DEPDC1B: variants seen among roughly 807,000 people sequenced by gnomAD.
The protein encoded by DEPDC1B is DEP domain-containing protein 1B.
Under a neutral mutation model 66.5 loss-of-function variants are expected in DEPDC1B, and 51 were observed. That is an observed-to-expected ratio of 0.77 (90% CI 0.61 to 0.97). The LOEUF is 0.97. Among genes scored for constraint, DEPDC1B ranks in the 50% least tolerant of loss-of-function variants. The pLI is 0.00. For missense variants in DEPDC1B, 552 were observed against 637.1 expected, an observed-to-expected ratio of 0.87 and a Z score of 1.44; for synonymous variants, 226 against 223.6, an observed-to-expected ratio of 1.01 and a Z score of -0.10.
At chr5:60,679,171 T>G (rs181772388) in intron 2 of DEPDC1B, among the ~76,000 whole-genome samples, 2 of 152,316 alleles carry the variant, frequency 1.3e-5, no homozygotes, top group Non-Finnish European at 1.5e-5. Flanking sequence ...TCCCATTAAA[T>G]AGAATTTACA....
intron 10 of DEPDC1B, among the ~76,000 whole-genome samples, chr5:60,598,636 G>T (rs1216683696): frequency 6.6e-5 from 10 of 152,152 alleles, no homozygotes; most frequent in Admixed American, 6.5e-4. Flanking sequence ...GATACCTGAG[G>T]CAAGAAACTA....
At chr5:60,640,436 G>A (rs895206667) in intron 6 of DEPDC1B, among the ~76,000 whole-genome samples, 1 of 152,096 alleles carries the variant, frequency 6.6e-6, no homozygotes, top group African/African-American at 2.4e-5. Context: ...CCTATGAGAG[G>A]AAGCCATATT....
At position 60,634,177 on chromosome 5, in the gene DEPDC1B, C is replaced by G. The variant is rs118184706; in HGVS notation, c.898+4573G>C. On this transcript the variant is annotated intron_variant, in intron 7 of 10. Transcript: ENST00000265036. ...CTAAGAATTTAATCTGCCTAGACAC[C>G]AAGCAAGGGCCAAGAAGGAGGAAAC... Among the ~76,000 whole-genome samples the G allele has an allele frequency of 5.1e-4, 77 of 152,242 alleles. 1 individual carries two copies. The East Asian group carries it at 0.012, about 24-fold the overall frequency.
At chr5:60,693,470 T>C (rs905228496) in intron 1 of DEPDC1B, among the ~76,000 whole-genome samples, 11 of 152,326 alleles carry the variant, frequency 7.2e-5, no homozygotes, top group South Asian at 2.1e-4. Context: ...AATGAGATCA[T>C]GACTATAAAA....
rs375832538 is a variant in DEPDC1B, at chr5:60,646,641, G to A, written c.450+757C>T. Reference sequence around the variant, plus strand: ...TTCTTCTTCTTGTTATTCCCTGAACGAGGTGTCCTCAACCCACAGGCCACA... The same window carrying A: ...TTCTTCTTCTTGTTATTCCCTGAACAAGGTGTCCTCAACCCACAGGCCACA... On this transcript the variant is annotated intron_variant, in intron 3 of 10. Transcript: ENST00000265036. Among the ~76,000 whole-genome samples the A allele has an allele frequency of 2.2e-4, 33 of 152,242 alleles. No homozygotes were observed. The East Asian group carries it at 5.0e-3, about 23-fold the overall frequency.
intron 6 of DEPDC1B, among the ~76,000 whole-genome samples, chr5:60,640,836 T>C (rs377646253): frequency 2.6e-5 from 4 of 152,290 alleles, no homozygotes; most frequent in African/African-American, 9.6e-5. Context: ...TTATTAAGGA[T>C]AGGATGGACA....
At chr5:60,615,562 C>A (rs539544126) in intron 7 of DEPDC1B, among the ~76,000 whole-genome samples, 12 of 152,204 alleles carry the variant, frequency 7.9e-5, no homozygotes. Context: ...GCACAGCAGT[C>A]TGAGATCAAA....
At chr5:60,620,623 T>G (rs1042314709) in intron 7 of DEPDC1B, among the ~76,000 whole-genome samples, 26 of 152,076 alleles carry the variant, frequency 1.7e-4, no homozygotes, top group Admixed American at 4.6e-4. Context: ...TGGCGATCAT[T>G]AAAAAGTCAG....
chr5:60,648,616 T>C (rs1023638486), intron 2 of DEPDC1B, among the ~76,000 whole-genome samples: 2 of 152,206 alleles, frequency 1.3e-5, no homozygotes, highest in Non-Finnish European at 2.9e-5. Context: ...ACAGTCGCAA[T>C]AGATTTGAAA....
intron 3 of DEPDC1B, 61 bp downstream of exon 3, chr5:60,647,336 TA>T (rs1157435210): frequency 2.0e-5 from 31 of 1,522,334 alleles, no homozygotes; most frequent in Middle Eastern, 1.8e-4. Flanking sequence ...AGACCAAGCC[TA>T]GGAGTTCATG....
At chr5:60,669,305 A>ACTG in intron 2 of DEPDC1B, among the ~76,000 whole-genome samples, 1 of 152,216 alleles carries the variant, frequency 6.6e-6, no homozygotes, top group Admixed American at 6.5e-5. Context: ...TAAGAGATTA[A>ACTG]CTATATACTG....
intron 7 of DEPDC1B, among the ~76,000 whole-genome samples, chr5:60,621,855 T>C (rs1752710760): frequency 6.6e-6 from 1 of 152,188 alleles, no homozygotes; most frequent in South Asian, 2.1e-4. Flanking sequence ...TGAATTCAAA[T>C]GTTTTCTGAA....
intron 2 of DEPDC1B, among the ~76,000 whole-genome samples, chr5:60,684,624 G>GAAACTATA (rs1302991557): frequency 6.6e-6 from 1 of 152,136 alleles, no homozygotes; most frequent in African/African-American, 2.4e-5. Flanking sequence ...TGTAAGACCT[G>GAAACTATA]AAACTATAAA....
chr5:60,605,694 G>A lies in DEPDC1B; in HGVS notation c.1061C>T (p.Thr354Ile), dbSNP rs1752294509. The A allele has an allele frequency of 1.9e-6, 3 of 1,610,712 alleles. No individual in the cohort carries two copies. Among genetic ancestry groups the A allele is most frequent in the African/African-American group, 2.7e-5 (2 of 74,862 alleles). ...TGATGTTAAAAATCAACCTACCAGT[G>A]TTCGGGTACCAAAGCCATCACACAG... Reference protein sequence around the residue: ...PPLCDGFGTRTLMVQTFSRCI... With the variant: ...PPLCDGFGTRILMVQTFSRCI... The change falls in exon 8 of 11, where the codon ACA (threonine) becomes ATA (isoleucine). Residue 354 changes from threonine (T) to isoleucine (I), a missense_variant. Thr to Ile is a moderately conservative substitution (Grantham distance 89, BLOSUM62 -1). Coordinates refer to ENST00000265036, the MANE Select transcript of DEPDC1B (RefSeq NM_018369.3).
At chr5:60,612,802 G>GGTGA (rs1410002646) in intron 7 of DEPDC1B, among the ~76,000 whole-genome samples, 1 of 151,984 alleles carries the variant, frequency 6.6e-6, no homozygotes, top group Non-Finnish European at 1.5e-5. Flanking sequence ...AAAGAGAAAT[G>GGTGA]GTGAAAGGTC....
chr5:60,604,572 G>GT (rs796788638), intron 8 of DEPDC1B, among the ~76,000 whole-genome samples: 6 of 151,746 alleles, frequency 4.0e-5, no homozygotes, highest in Admixed American at 1.3e-4. Context: ...GTTTTGTTTT[G>GT]TTTTTTCCTA....
In DEPDC1B at chr5:60,647,427, C is replaced by T. The variant is rs768703284; in HGVS notation, c.421G>A (p.Glu141Lys). The T allele has an allele frequency of 5.0e-6, 8 of 1,611,730 alleles. No individual in the cohort carries two copies. Among genetic ancestry groups the T allele is most frequent in the Non-Finnish European group, 5.9e-6 (7 of 1,179,280 alleles). The change falls in exon 3 of 11, where the codon GAG becomes AAG. Residue 141 changes from glutamate to lysine, a missense_variant. Coordinates refer to ENST00000265036, the MANE Select transcript of DEPDC1B (RefSeq NM_018369.3). ...ACAACTGGCCTCACTGGGATGTTCT[C>T]TTGTGAAGTGCCTGGTGGGAGATCA... The part of the protein sequence containing the change: ...WNDLPPGTSQ[E>K]NIPVRPVVMN...
intron 6 of DEPDC1B, among the ~76,000 whole-genome samples, chr5:60,639,311 G>A (rs903020220): frequency 1.6e-4 from 24 of 152,028 alleles, no homozygotes; most frequent in African/African-American, 5.3e-4. Context: ...TAACAGACAA[G>A]TTATAAAGCA....
At position 60,666,447 on chromosome 5, in the gene DEPDC1B, A is replaced by AC. The variant is rs574305577; in HGVS notation, c.315-18915dup. Among the ~76,000 whole-genome samples the AC allele has an allele frequency of 7.2e-4, 108 of 149,348 alleles. 1 individual carries two copies. Among genetic ancestry groups the AC allele is most frequent in the African/African-American group, 1.7e-3 (69 of 40,430 alleles). On this transcript the variant is annotated intron_variant, in intron 2 of 10. Coordinates refer to ENST00000265036, the MANE Select transcript of DEPDC1B (RefSeq NM_018369.3). ...CATCTTGGGAGCTCTAAGAACAAAG[A>AC]CCCCCCCCATAACACCTCGATGTGG...
Sources: gnomAD v4.1 joint callset for allele counts (sites outside exome capture counted in the v4.1 genomes callset) on GRCh38, gnomAD v4.1.1 for gene constraint, MANE v1.5 for transcripts, NCBI Gene and HGNC (gene_info 2026-07-23, HGNC 2026-07-21) for gene names.